The following COL4A1 variants were observed in gnomAD, a reference collection of about 807,000 sequenced individuals.
The protein encoded by COL4A1 is collagen type IV alpha 1 chain, also known as collagen alpha-1(IV) chain.
In COL4A1, 40 loss-of-function variants were observed where a neutral mutation model predicts 216.6. The observed-to-expected ratio is 0.18, with a 90% CI of 0.14 to 0.24. The LOEUF (loss-of-function observed/expected upper bound fraction) is 0.24, where lower values mean the gene tolerates loss of function less well. Ranked by LOEUF, COL4A1 falls within the 10% of genes least tolerant of loss-of-function variation. The pLI, the probability that COL4A1 is intolerant of heterozygous loss-of-function variation, is 1.00. For synonymous variants in COL4A1, 839 were observed against 810.7 expected, an observed-to-expected ratio of 1.03 and a Z score of -0.59; for missense variants, 1,628 against 2,196.8, an observed-to-expected ratio of 0.74 and a Z score of 5.18.
intron 1 of COL4A1, among the ~76,000 whole-genome samples, chr13:110,262,730 C>T (rs1160811004): frequency 6.6e-6 from 1 of 152,254 alleles, no homozygotes; most frequent in African/African-American, 2.4e-5. Context: ...CCTGATTCTG[C>T]TGCACTGATT....
chr13:110,152,238 A>G (rs1194600872), intron 51 of COL4A1, 96 bp downstream of exon 51: 1 of 1,556,160 alleles, frequency 6.4e-7, no homozygotes, highest in East Asian at 2.3e-5. Flanking sequence ...ACCATCTTTG[A>G]GACTTTGCAT....
rs1566376043 is a variant in COL4A1 at position 110,209,376 on chromosome 13, T to G, written c.651+16A>C. The G allele has an allele frequency of 6.2e-7, 1 of 1,611,318 alleles. No individual in the cohort carries two copies. Among genetic ancestry groups the G allele is most frequent in the Admixed American group, 1.7e-5 (1 of 59,874 alleles). The stretch of plus-strand genomic sequence containing the variant: ...TATACTAATGCCAAAGAACAAAAAA[T>G]GAAAAGAACTTTTACCTTTTCACCT... On this transcript the variant is annotated intron_variant, in intron 11 of 51. Transcript: ENST00000375820.
chr13:110,301,729 G>A (rs1295948784), intron 1 of COL4A1, among the ~76,000 whole-genome samples: 1 of 152,172 alleles, frequency 6.6e-6, no homozygotes. Flanking sequence ...ACTGCAGGCC[G>A]GGGAGCAGGA....
intron 2 of COL4A1, among the ~76,000 whole-genome samples, chr13:110,232,708 A>G (rs1231698939): frequency 6.6e-6 from 1 of 152,114 alleles, no homozygotes; most frequent in South Asian, 2.1e-4. Flanking sequence ...ACTCCTGGAG[A>G]GTGCTCTGGG....
At position 110,160,170 on chromosome 13, in the gene COL4A1, C is replaced by T. The variant is rs1274749705; in HGVS notation, c.4640+1022G>A. Among the ~76,000 whole-genome samples the T allele has an allele frequency of 5.0e-5, 6 of 119,338 alleles. 1 individual carries two copies. Among genetic ancestry groups the T allele is most frequent in the Admixed American group, 4.3e-4 (5 of 11,642 alleles). 78.3% of individuals were successfully genotyped at this position (119,338 alleles called of 152,430 possible). On this transcript the variant is annotated intron_variant, in intron 49 of 51. Transcript: ENST00000375820. ...AAAAAAATTCATAGGGGGCCGGGCG[C>T]GGTGGCTCACGCCTGTAATCCCAGC...
At chr13:110,184,952 G>A (rs1199151791) in intron 26 of COL4A1, among the ~76,000 whole-genome samples, 2 of 152,056 alleles carry the variant, frequency 1.3e-5, no homozygotes, top group African/African-American at 2.4e-5. Flanking sequence ...TTACAGGCAT[G>A]AGCCAGCGTG....
chr13:110,152,270 G>A (rs1163109855), intron 51 of COL4A1, 64 bp downstream of exon 51: 27 of 1,603,300 alleles, frequency 1.7e-5, no homozygotes, highest in Non-Finnish European at 1.6e-5. Context: ...ACGGATCGCG[G>A]ATGATTAAAA....
intron 2 of COL4A1, among the ~76,000 whole-genome samples, chr13:110,241,498 T>C (rs1881566261): frequency 1.3e-5 from 2 of 152,234 alleles, no homozygotes; most frequent in African/African-American, 2.4e-5. Flanking sequence ...TTTAACAAAA[T>C]GTCTGTGGCA....
chr13:110,194,836 A>G (rs139871229), intron 22 of COL4A1, among the ~76,000 whole-genome samples, 187 bp downstream of exon 22: 1 of 152,144 alleles, frequency 6.6e-6, no homozygotes, highest in Non-Finnish European at 1.5e-5. Flanking sequence ...CACCTTTCCC[A>G]CCCAGATCAT....
intron 2 of COL4A1, among the ~76,000 whole-genome samples, chr13:110,217,485 T>C (rs935270563): frequency 6.6e-6 from 1 of 152,002 alleles, no homozygotes; most frequent in African/African-American, 2.4e-5. Flanking sequence ...CAAGGCAAGG[T>C]CCAAAAATCC....
intron 47 of COL4A1, 30 bp downstream of exon 47, chr13:110,163,433 G>T: frequency 6.3e-7 from 1 of 1,597,966 alleles, no homozygotes; most frequent in African/African-American, 1.3e-5. Context: ...CCTGGTCAAG[G>T]GTAATTACGT....
rs560843832 is a variant in COL4A1, at chr13:110,183,568, TACA to T, written c.1898-295_1898-293del. Among the ~76,000 whole-genome samples, 441 of 152,348 alleles carry T rather than the reference TACA, an allele frequency of 2.9e-3. 1 individual carries two copies. Among genetic ancestry groups the T allele is most frequent in the African/African-American group, 9.7e-3 (402 of 41,586 alleles). On this transcript the variant is annotated intron_variant, in intron 26 of 51. Transcript: ENST00000375820. ...AAGAGTCACAAGAAGCTGAAAAATC[TACA>T]ACAACAACATGTGAGGTGGCTCTAG...
At chr13:110,227,118 T>C (rs188085745) in intron 2 of COL4A1, among the ~76,000 whole-genome samples, 1 of 152,322 alleles carries the variant, frequency 6.6e-6, no homozygotes, top group East Asian at 1.9e-4. Context: ...GCCTACTTTG[T>C]AGACGTTTTA....
intron 1 of COL4A1, among the ~76,000 whole-genome samples, chr13:110,275,548 T>A (rs1225826400): frequency 6.6e-6 from 1 of 152,236 alleles, no homozygotes; most frequent in Non-Finnish European, 1.5e-5. Context: ...TGCTCCTTGC[T>A]ATTTACCCAA....
chr13:110,160,175 G>A (rs1237512815), intron 49 of COL4A1, among the ~76,000 whole-genome samples: 1 of 148,704 alleles, frequency 6.7e-6, no homozygotes, highest in Admixed American at 6.7e-5. Flanking sequence ...GGGCGCGGTG[G>A]CTCACGCCTG....
intron 2 of COL4A1, among the ~76,000 whole-genome samples, chr13:110,225,588 T>A (rs1010456920): frequency 1.3e-5 from 2 of 151,382 alleles, no homozygotes; most frequent in Non-Finnish European, 2.9e-5. Flanking sequence ...TCTCAAAAAA[T>A]AAATAAATAA....
chr13:110,170,590 C>A lies in COL4A1; in HGVS notation c.3699G>T (p.Gly1233=), dbSNP rs1278725079. Residue 1233 remains glycine (G), a synonymous_variant, in exon 42 of 52, where the codon GGG becomes GGT. Transcript: ENST00000375820. The part of the protein sequence containing the change: ...LPGSPGHATE[G]PKGDRGPQGQ... ...CCTGAGGTCCGCGGTCTCCTTTGGGCCCCTCCGTGGCATGGCCTGGGGATC... is the reference window on the plus strand; with the variant it reads ...CCTGAGGTCCGCGGTCTCCTTTGGGACCCTCCGTGGCATGGCCTGGGGATC... 1 of 1,610,106 alleles carries A rather than the reference C, an allele frequency of 6.2e-7. No homozygotes were observed. The highest frequency in any genetic ancestry group is 2.2e-5 in the East Asian group (1 of 44,834).
intron 24 of COL4A1, 126 bp from the exon 25 acceptor site, chr13:110,187,455 C>T (rs1040209335): frequency 4.7e-6 from 5 of 1,072,032 alleles, no homozygotes; most frequent in East Asian, 2.5e-5. Flanking sequence ...ATTCATGCCT[C>T]ATCATTGATT....
At chr13:110,295,724 C>G (rs965197154) in intron 1 of COL4A1, among the ~76,000 whole-genome samples, 3 of 152,196 alleles carry the variant, frequency 2.0e-5, no homozygotes, top group Admixed American at 1.3e-4. Flanking sequence ...CCGCACCCAG[C>G]CTCACGGTAA....
Sources: allele counts gnomAD v4.1 joint callset (sites outside exome capture counted in the v4.1 genomes callset), GRCh38; gene constraint gnomAD v4.1.1; transcripts MANE v1.5; gene names NCBI Gene and HGNC (gene_info 2026-07-23, HGNC 2026-07-21).